ACTN3: variants seen among roughly 807,000 people sequenced by gnomAD.
ACTN3 encodes actinin alpha 3.
A neutral mutation model predicts 119.6 loss-of-function variants in ACTN3; 91 were observed. That is an observed-to-expected ratio of 0.76 (90% CI 0.64 to 0.91). ACTN3 has a LOEUF of 0.91. Ranked by LOEUF, ACTN3 falls within the 40% of genes least tolerant of loss-of-function variation. The pLI, the probability that ACTN3 is intolerant of heterozygous loss-of-function variation, is 0.00. For missense variants in ACTN3, 1,221 were observed against 1,215.1 expected (o/e 1.00, Z -0.07); for synonymous variants, 456 against 478.8 (o/e 0.95, Z 0.62).
chr11:66,562,205 G>A (rs1565310248), intron 18 of ACTN3, 37 bp downstream of exon 18: 1 of 1,613,884 alleles, frequency 6.2e-7, no homozygotes. Context: ...TAAGACACTT[G>A]GGGGCTGGTG....
In ACTN3 at chr11:66,556,209, T is replaced by C. The variant is rs1235675346; in HGVS notation, c.783T>C (p.His261=). The change falls in exon 8 of 21, where the codon CAT becomes CAC. Residue 261 remains histidine (H), a synonymous_variant. Transcript: ENST00000513398. ...AIMTYVSCFY[H]AFAGAEQAET... ...TGACCTATGTGTCCTGCTTCTACCA[T>C]GCCTTTGCCGGGGCTGAGCAGGTAA... The C allele has an allele frequency of 6.8e-6, 11 of 1,613,814 alleles. No homozygotes were observed. Among genetic ancestry groups the C allele is most frequent in the Admixed American group, 3.3e-5 (2 of 59,988 alleles).
In ACTN3 at chr11:66,562,246, AC is replaced by A; in HGVS notation, c.2323-6del. 6.2e-7 allele frequency: 1 copy of A among 1,613,518 alleles called. No homozygotes were observed. The highest frequency in any genetic ancestry group is 8.5e-7 in the Non-Finnish European group (1 of 1,179,778). Reference sequence around the variant, plus strand: ...TGGAGACCAAGCCTGATAACCACTCACCCCCTACAGAAGCAGAATGGGATGA... The same window carrying A: ...TGGAGACCAAGCCTGATAACCACTCACCCCTACAGAAGCAGAATGGGATGA... On this transcript the variant is annotated splice_polypyrimidine_tract_variant and intron_variant, in intron 18 of 20. Coordinates refer to ENST00000513398, the MANE Select transcript of ACTN3 (RefSeq NM_001104.4).
At chr11:66,553,866 A>AAG (rs1555055702) in intron 3 of ACTN3, among the ~76,000 whole-genome samples, 179 bp from the exon 4 acceptor site, 2 of 151,146 alleles carry the variant, frequency 1.3e-5, no homozygotes, top group Non-Finnish European at 3.0e-5. Flanking sequence ...AAAAAAAAAA[A>AAG]AAAAAGAAAA....
In ACTN3 at chr11:66,559,378, G is replaced by A; in HGVS notation, c.1419G>A (p.Gln473=). The change falls in exon 12 of 21, where the codon CAG becomes CAA. Residue 473 remains glutamine, a synonymous_variant. Coordinates refer to ENST00000513398, the MANE Select transcript of ACTN3 (RefSeq NM_001104.4). ...TGGAGCACATTGCCGCGCTGGCCCA[G>A]GAGCTCAAGTAGGCGGGGCCTCGCG... ...DRVEHIAALA[Q]ELNELDYHEA... 6.5e-7 allele frequency: 1 copy of A among 1,540,150 alleles called. No individual in the cohort carries two copies. Among genetic ancestry groups the A allele is most frequent in the Non-Finnish European group, 8.7e-7 (1 of 1,150,374 alleles).
At chr11:66,554,482 G>A in intron 4 of ACTN3, 54 bp from the exon 5 acceptor site, 1 of 1,293,158 alleles carries the variant, frequency 7.7e-7, no homozygotes, top group Non-Finnish European at 1.1e-6. Flanking sequence ...AGAAGTGTGA[G>A]AGGGCTGACC....
rs773659947 is a variant in ACTN3 at position 66,562,016 on chromosome 11, C to T, written c.2176-6C>T. ...CACTGACAGTGGCCTGTCCCCTGACCGCCAGCACATCCGCGTGGGCTGGGA... is the reference window on the plus strand; with the variant it reads ...CACTGACAGTGGCCTGTCCCCTGACTGCCAGCACATCCGCGTGGGCTGGGA... On this transcript the variant is annotated splice_polypyrimidine_tract_variant and splice_region_variant and intron_variant, in intron 17 of 20. Coordinates refer to ENST00000513398, the MANE Select transcript of ACTN3 (RefSeq NM_001104.4). The T allele has an allele frequency of 1.1e-5, 18 of 1,601,626 alleles. No individual in the cohort carries two copies. The highest frequency in any genetic ancestry group is 3.5e-5 in the Admixed American group (2 of 57,838).
rs901607792 is a variant in ACTN3 at position 66,552,913 on chromosome 11, A to C, written c.383-1132A>C. Among the ~76,000 whole-genome samples, 10 of 136,346 alleles carry C rather than the reference A, an allele frequency of 7.3e-5. 1 individual carries two copies. The highest frequency in any genetic ancestry group is 7.2e-4 in the Admixed American group (10 of 13,882). The allele number at this position is 136,346 out of a possible 152,430, so 89.4% of individuals were successfully genotyped here. A position where few individuals can be genotyped will look rare whatever the true frequency, so the allele number is the denominator to read the frequency against. ...ACACACACACACACACACACACACA[A>C]AGAGAAAACTCCATCTCAAAAAATT... On this transcript the variant is annotated intron_variant, in intron 3 of 20. Transcript: ENST00000513398.
In ACTN3 at chr11:66,554,612, C is replaced by T. The variant is rs1857551524; in HGVS notation, c.546C>T (p.Asn182=). The T allele has an allele frequency of 1.2e-6, 2 of 1,611,476 alleles. No individual in the cohort carries two copies. Among genetic ancestry groups the T allele is most frequent in the Non-Finnish European group, 1.7e-6 (2 of 1,178,768 alleles). Residue 182 remains asparagine (N), a synonymous_variant, in exon 5 of 21, where the codon AAC becomes AAT. Transcript: ENST00000513398. Reference sequence around the variant, plus strand: ...CGTACCGCAACGTCAACGTGCAGAACTTCCACACCAGGTCTGTCAGGTGGT... The same window carrying T: ...CGTACCGCAACGTCAACGTGCAGAATTTCCACACCAGGTCTGTCAGGTGGT... ...TAPYRNVNVQ[N]FHTSWKDGLA...
At chr11:66,554,511 ATCC>A in intron 4 of ACTN3, 22 bp from the exon 5 acceptor site, 1 of 1,579,044 alleles carries the variant, frequency 6.3e-7, no homozygotes, top group South Asian at 1.2e-5. Context: ...TTCCCAATGA[ATCC>A]TCCCACCTCC....
chr11:66,561,420 G>A (rs369803301), intron 16 of ACTN3, 38 bp from the exon 17 acceptor site: 28 of 1,604,720 alleles, frequency 1.7e-5, no homozygotes, highest in Non-Finnish European at 2.4e-5. Context: ...GGGCCACAGG[G>A]AGTTGGGAGC....
At chr11:66,559,423 C>T in intron 12 of ACTN3, 37 bp downstream of exon 12, 3 of 1,427,260 alleles carry the variant, frequency 2.1e-6, no homozygotes, top group Non-Finnish European at 2.7e-6. Context: ...CCCAACACCC[C>T]CGGCCCCGCC....
intron 1 of ACTN3, 123 bp downstream of exon 1, chr11:66,547,207 C>T: frequency 8.4e-7 from 1 of 1,193,440 alleles, no homozygotes; most frequent in Non-Finnish European, 1.1e-6. Context: ...ATCCCCAGCC[C>T]AGGCTCTGCC....
chr11:66,557,263 C>T (rs931455491), intron 9 of ACTN3, 38 bp downstream of exon 9: 3 of 1,537,550 alleles, frequency 2.0e-6, no homozygotes, highest in Non-Finnish European at 2.6e-6. Flanking sequence ...CCCACCCCAG[C>T]CCTACTGGCT....
rs367634549 is a variant in ACTN3 at position 66,561,505 on chromosome 11, G to A, written c.2043G>A (p.Gln681=). The A allele has an allele frequency of 5.6e-6, 9 of 1,605,424 alleles. No individual in the cohort carries two copies. The East Asian group carries it at 6.7e-5, about 12-fold the overall frequency. ...GGCTAGCTGGCTCTCTGGAGGAGCA[G>A]ATGGCTGGGCTACGGCAGCAGGAGC... is the stretch of plus-strand genomic sequence containing the variant. ...AAGLAGSLEE[Q]MAGLRQQEQN... The change falls in exon 17 of 21, where the codon CAG becomes CAA. Residue 681 remains glutamine (Q), a synonymous_variant. Transcript: ENST00000513398.
In ACTN3 at chr11:66,557,718, G is replaced by C. The variant is rs538173919; in HGVS notation, c.917G>C (p.Arg306Pro). 6.2e-7 allele frequency: 1 copy of C among 1,611,986 alleles called. No individual in the cohort carries two copies. The highest frequency in any genetic ancestry group is 1.7e-5 in the Admixed American group (1 of 59,768). Residue 306 changes from arginine to proline, a missense_variant, in exon 10 of 21, where the codon CGC (arginine) becomes CCC (proline). Physicochemically the swap from Arg to Pro is moderately radical, Grantham distance 103. This residue lies in a region of ACTN3 where 934 missense variants were observed against 899.9 expected (regional missense o/e 1.04). Transcript: ENST00000513398. ...TGTCAGCTGCTGGAGTGGATCCGCC[G>C]CACTGTCCCATGGCTGGAGAACCGT... ...LASELLEWIR[R>P]TVPWLENRVG...
chr11:66,554,701 A>ACTGACCAGGG, intron 5 of ACTN3, 78 bp downstream of exon 5: 1 of 1,179,230 alleles, frequency 8.5e-7, no homozygotes, highest in Non-Finnish European at 1.2e-6. Context: ...CTGGTCAGTG[A>ACTGACCAGGG]AGGGCACTGA....
rs1018816887 is a variant in ACTN3 at position 66,560,571 on chromosome 11, A to C, written c.1678-2A>C. On this transcript the variant is annotated splice_acceptor_variant, in intron 14 of 20. Transcript: ENST00000513398. LOFTEE classifies it high-confidence loss of function. ...CTGACACTTCCTGCCTGTCGTCCCC[A>C]GAGCCTGCTGACAGCGCACGATCAG... 1 of 1,607,966 alleles carries C rather than the reference A, an allele frequency of 6.2e-7. No homozygotes were observed. The highest frequency in any genetic ancestry group is 1.3e-5 in the African/African-American group (1 of 74,840).
intron 1 of ACTN3, among the ~76,000 whole-genome samples, chr11:66,548,709 T>G (rs545882431): frequency 6.6e-6 from 1 of 152,324 alleles, no homozygotes; most frequent in South Asian, 2.1e-4. Context: ...AAGGGCTTCC[T>G]TCACACAGTC....
intron 1 of ACTN3, among the ~76,000 whole-genome samples, chr11:66,549,501 G>T (rs544421056): frequency 7.8e-4 from 119 of 152,226 alleles, no homozygotes; most frequent in South Asian, 6.6e-3. Context: ...GGAGACGGAG[G>T]GGGGCGGATC....
Sources: allele counts gnomAD v4.1 joint callset (sites outside exome capture counted in the v4.1 genomes callset), GRCh38; gene constraint gnomAD v4.1.1; regional missense constraint gnomAD v4.1.1; transcripts MANE v1.5; gene names NCBI Gene and HGNC (gene_info 2026-07-23, HGNC 2026-07-21).